The following DNAJC17 variants were observed in gnomAD, a reference collection of about 807,000 sequenced individuals.
The protein encoded by DNAJC17 is dnaJ homolog subfamily C member 17.
A neutral mutation model predicts 48.1 loss-of-function variants in DNAJC17; 35 were observed. The ratio of observed to expected loss-of-function variants is 0.73; its 90% CI spans 0.56 to 0.96. DNAJC17 has a LOEUF of 0.96. DNAJC17 is among the 50% of genes least tolerant of loss of function. The probability of loss-of-function intolerance (pLI) is 0.00; values close to 1 mark genes in which losing one functional copy is unlikely to be tolerated. For synonymous variants in DNAJC17, 117 were observed against 142.7 expected, an observed-to-expected ratio of 0.82 and a Z score of 1.28; for missense variants, 355 against 377.1, an observed-to-expected ratio of 0.94 and a Z score of 0.48.
rs955076292 is a variant in DNAJC17, at chr15:40,767,961, GTCT to G, written c.891_893del (p.Glu297del). On this transcript the variant is annotated inframe_deletion, in exon 11 of 11. Transcript: ENST00000220496. Reference sequence around the variant, plus strand: ...GGGGCTACGTAGGCGGCCCCTCCTGGTCTTCCTGCTGCATCCGTGCGATCAGCT... The same window carrying G: ...GGGGCTACGTAGGCGGCCCCTCCTGGTCCTGCTGCATCCGTGCGATCAGCT... 1 of 1,613,040 alleles carries G rather than the reference GTCT, an allele frequency of 6.2e-7. No individual in the cohort carries two copies. The highest frequency in any genetic ancestry group is 8.5e-7 in the Non-Finnish European group (1 of 1,179,732).
chr15:40,781,649 C>T (rs996734136), intron 1 of DNAJC17, among the ~76,000 whole-genome samples: 3 of 151,796 alleles, frequency 2.0e-5, no homozygotes, highest in African/African-American at 7.3e-5. Context: ...AGTCCAGGTG[C>T]GGTGGCTCAA....
At chr15:40,796,603 A>G (rs761523327) in intron 1 of DNAJC17, among the ~76,000 whole-genome samples, 1 of 152,218 alleles carries the variant, frequency 6.6e-6, no homozygotes, top group Non-Finnish European at 1.5e-5. Context: ...AGAAAATTTA[A>G]GTGTGGAAAG....
intron 1 of DNAJC17, among the ~76,000 whole-genome samples, chr15:40,804,996 C>G (rs551393060): frequency 9.7e-4 from 146 of 149,954 alleles, no homozygotes; most frequent in African/African-American, 3.3e-3. Context: ...AGTGAGACTC[C>G]GTCTCAAAAA....
chr15:40,790,158 A>G (rs1456162954), intron 1 of DNAJC17, among the ~76,000 whole-genome samples: 1 of 152,134 alleles, frequency 6.6e-6, no homozygotes, highest in Non-Finnish European at 1.5e-5. Flanking sequence ...CAGGCAGGTA[A>G]AATCTCTATC....
chr15:40,770,334 C>G lies in DNAJC17; in HGVS notation c.793-2272G>C, dbSNP rs1889093831. The G allele has an allele frequency of 1.4e-6, 1 of 698,950 alleles. No individual in the cohort carries two copies. The highest frequency in any genetic ancestry group is 2.3e-6 in the Non-Finnish European group (1 of 429,234). 43.3% of individuals were successfully genotyped at this position (698,950 alleles called of 1,614,324 possible). On this transcript the variant is annotated intron_variant, in intron 10 of 10. Transcript: ENST00000220496. The surrounding 1 kb of genome is among the most constrained non-coding windows in gnomAD (Gnocchi z 5.0). ...AAAAGTTCCTTCTTCCTGAGCCCTCCTCTCACCATCCAAGATGTGGTCAAA... is the reference window on the plus strand; with the variant it reads ...AAAAGTTCCTTCTTCCTGAGCCCTCGTCTCACCATCCAAGATGTGGTCAAA...
chr15:40,802,931 C>T lies in DNAJC17; in HGVS notation c.78+4438G>A, dbSNP rs941200741. 2.0e-5 allele frequency among the ~76,000 whole-genome samples: 3 copies of T among 151,952 alleles called. No individual in the cohort carries two copies. In the South Asian group the frequency reaches 6.2e-4, roughly 32 times the overall value. ...CCAACCTGGCCAACATGGTGGAACCCGATCTCTACAAAAATACAAAAATTA... is the reference window on the plus strand; with the variant it reads ...CCAACCTGGCCAACATGGTGGAACCTGATCTCTACAAAAATACAAAAATTA... On this transcript the variant is annotated intron_variant, in intron 1 of 10. Coordinates refer to ENST00000220496, the MANE Select transcript of DNAJC17 (RefSeq NM_018163.3).
chr15:40,777,281 C>CTTTT (rs1162001252), intron 4 of DNAJC17, among the ~76,000 whole-genome samples: 4 of 131,586 alleles, frequency 3.0e-5, no homozygotes, highest in East Asian at 2.2e-4. Context: ...CTCTCTCTCT[C>CTTTT]TTTTTTTTTT....
chr15:40,780,950 C>T (rs1210463800), intron 1 of DNAJC17, among the ~76,000 whole-genome samples: 1 of 150,922 alleles, frequency 6.6e-6, no homozygotes, highest in Non-Finnish European at 1.5e-5. Context: ...AGTAGGAGAC[C>T]AGCCTGGCCA....
At chr15:40,774,142 T>G in intron 9 of DNAJC17, 2 of 618,476 alleles carry the variant, frequency 3.2e-6, no homozygotes, top group Non-Finnish European at 5.7e-6. Flanking sequence ...AAGTCTGTGC[T>G]CTCCTTTCTC....
At chr15:40,792,327 C>A (rs1889828442) in intron 1 of DNAJC17, 1 of 396,352 alleles carries the variant, frequency 2.5e-6, no homozygotes, top group African/African-American at 2.2e-5. Flanking sequence ...TATAATATAA[C>A]CTCCCTCCCA....
intron 1 of DNAJC17, among the ~76,000 whole-genome samples, chr15:40,790,435 A>G (rs61405952): frequency 0.059 from 9,033 of 152,164 alleles, 915 homozygotes; most frequent in African/African-American, 0.21. Flanking sequence ...TCAGCTGGGC[A>G]TGGTGGCGCA....
intron 1 of DNAJC17, among the ~76,000 whole-genome samples, chr15:40,799,592 T>C (rs1890026732): frequency 6.6e-6 from 1 of 152,140 alleles, no homozygotes; most frequent in Non-Finnish European, 1.5e-5. Context: ...CGGTTGAGAG[T>C]AAAAATTTTA....
At chr15:40,776,753 C>T (rs978068089) in intron 4 of DNAJC17, 126 bp from the exon 5 acceptor site, 14 of 874,470 alleles carry the variant, frequency 1.6e-5, no homozygotes, top group African/African-American at 9.9e-5. Context: ...AACTCTGCCC[C>T]CTCCCTCCAT....
chr15:40,792,413 A>C (rs1889830481), intron 1 of DNAJC17: 4 of 956,034 alleles, frequency 4.2e-6, no homozygotes, highest in Non-Finnish European at 5.0e-6. Context: ...AAAAACAATC[A>C]AAATGCATTT....
At chr15:40,776,449 A>G (rs758894674) in intron 5 of DNAJC17, 93 bp downstream of exon 5, 125 of 1,517,430 alleles carry the variant, frequency 8.2e-5, no homozygotes, top group Non-Finnish European at 2.0e-5. Context: ...TGCAAAGAGC[A>G]TGCCCTCTCT....
At chr15:40,798,530 C>G (rs1182746994) in intron 1 of DNAJC17, among the ~76,000 whole-genome samples, 4 of 152,076 alleles carry the variant, frequency 2.6e-5, no homozygotes, top group Non-Finnish European at 4.4e-5. Flanking sequence ...CATTATTTAT[C>G]ACAATGTTGT....
In DNAJC17 at chr15:40,767,115, G is replaced by C. The variant is rs575129891; in HGVS notation, c.*825C>G. On this transcript the variant is annotated 3_prime_UTR_variant, in exon 11 of 11. Coordinates refer to ENST00000220496, the MANE Select transcript of DNAJC17 (RefSeq NM_018163.3). ...TACCCCAGCGCCCAGCAAGCAGCCA[G>C]CAAGTGTGAGTCACTACAAGAGTGG... The C allele has an allele frequency of 4.3e-6, 5 of 1,165,802 alleles. No individual in the cohort carries two copies. The African/African-American group carries it at 6.4e-5, about 15-fold the overall frequency. The allele number at this position is 1,165,802 out of a possible 1,614,324, so 72.2% of individuals were successfully genotyped here. A position where few individuals can be genotyped will look rare whatever the true frequency, so the allele number is the denominator to read the frequency against.
intron 1 of DNAJC17, among the ~76,000 whole-genome samples, chr15:40,790,486 T>C (rs1889770380): frequency 6.6e-6 from 1 of 151,922 alleles, no homozygotes; most frequent in South Asian, 2.1e-4. Flanking sequence ...AGCTGAGGTA[T>C]GAGAATCACT....
At position 40,804,415 on chromosome 15, in the gene DNAJC17, A is replaced by G. The variant is rs550040761; in HGVS notation, c.78+2954T>C. On this transcript the variant is annotated intron_variant, in intron 1 of 10. Transcript: ENST00000220496. ...CAATATAGCTGGACCCCGTCTCTGG[A>G]AAAAAAAAAAAAGCAAAAACAAACA... Among the ~76,000 whole-genome samples, 5 of 130,454 alleles carry G rather than the reference A, an allele frequency of 3.8e-5. No individual in the cohort carries two copies. In the East Asian group the frequency reaches 8.2e-4, roughly 21 times the overall value. 85.6% of individuals were successfully genotyped at this position (130,454 alleles called of 152,430 possible).
Sources: allele counts gnomAD v4.1 joint callset (sites outside exome capture counted in the v4.1 genomes callset), GRCh38; gene constraint gnomAD v4.1.1; non-coding constraint Gnocchi (gnomAD v3.1); transcripts MANE v1.5; gene names NCBI Gene and HGNC (gene_info 2026-07-23, HGNC 2026-07-21).